Variants in SOX5 observed in about 807,000 individuals in gnomAD.
SOX5 encodes the protein SRY-box transcription factor 5.
A neutral mutation model predicts 92.0 loss-of-function variants in SOX5; 9 were observed. The ratio of observed to expected loss-of-function variants is 0.10; its 90% CI spans 0.06 to 0.17. SOX5 has a LOEUF of 0.17. SOX5 is among the 10% of genes least tolerant of loss of function. The pLI is 1.00. For missense variants in SOX5, 642 were observed against 944.5 expected (o/e 0.68, Z 4.20); for synonymous variants, 344 against 336.3 (o/e 1.02, Z -0.25).
chr12:23,720,126 CT>C (rs1190282385), intron 6 of SOX5, among the ~76,000 whole-genome samples: 1 of 152,126 alleles, frequency 6.6e-6, no homozygotes, highest in Non-Finnish European at 1.5e-5. Context: ...GAAAGTCTTG[CT>C]TTCCTGTTCT....
chr12:24,408,530 C>T (rs924524020), intron 1 of SOX5, among the ~76,000 whole-genome samples: 1 of 152,120 alleles, frequency 6.6e-6, no homozygotes, highest in South Asian at 2.1e-4. Flanking sequence ...TATAGCCACA[C>T]TTGTTTCCGC....
chr12:24,056,702 G>A (rs959599015), intron 4 of SOX5, among the ~76,000 whole-genome samples: 16 of 152,106 alleles, frequency 1.1e-4, no homozygotes, highest in Non-Finnish European at 1.6e-4. Context: ...CAGGCCGGGC[G>A]CGGTGGCTCA....
At chr12:23,820,747 A>G (rs909429952) in intron 3 of SOX5, among the ~76,000 whole-genome samples, 7 of 151,958 alleles carry the variant, frequency 4.6e-5, no homozygotes, top group Admixed American at 4.6e-4. Context: ...GCGTGGTATT[A>G]TTTTTGAGGC....
intron 2 of SOX5, among the ~76,000 whole-genome samples, chr12:24,277,526 G>GTAAATTTACATTTAAATA: frequency 1.7e-5 from 1 of 58,540 alleles, no homozygotes; most frequent in Non-Finnish European, 4.5e-5. Context: ...ATATTTATAT[G>GTAAATTTACATTTAAATA]TATATAATTT....
intron 1 of SOX5, among the ~76,000 whole-genome samples, chr12:24,497,296 T>C (rs1362170965): frequency 6.6e-6 from 1 of 152,232 alleles, no homozygotes; most frequent in African/African-American, 2.4e-5. Context: ...TGTTTGAGTA[T>C]GTTTATTTTT....
At chr12:23,968,499 T>A (rs942369917) in intron 4 of SOX5, among the ~76,000 whole-genome samples, 1 of 152,182 alleles carries the variant, frequency 6.6e-6, no homozygotes, top group African/African-American at 2.4e-5. Flanking sequence ...GGGTTTGTTA[T>A]CACGGGAGTG....
At chr12:23,715,391 A>C (rs1174250078) in intron 6 of SOX5, among the ~76,000 whole-genome samples, 1 of 152,158 alleles carries the variant, frequency 6.6e-6, no homozygotes, top group Admixed American at 6.5e-5. Flanking sequence ...TCATCATTTC[A>C]CACCACCTTA....
chr12:24,399,957 C>A (rs1220039477), intron 1 of SOX5, among the ~76,000 whole-genome samples: 1 of 152,164 alleles, frequency 6.6e-6, no homozygotes, highest in African/African-American at 2.4e-5. Flanking sequence ...GCTCTATTAT[C>A]TACAATAAGG....
chr12:24,500,416 GA>G (rs367938608), intron 1 of SOX5, among the ~76,000 whole-genome samples: 1 of 151,284 alleles, frequency 6.6e-6, no homozygotes, highest in African/African-American at 2.4e-5. Context: ...AGAATTGAAA[GA>G]AAAAAAAGTT....
At chr12:23,670,127 G>A (rs1425845325) in intron 6 of SOX5, among the ~76,000 whole-genome samples, 1 of 152,114 alleles carries the variant, frequency 6.6e-6, no homozygotes, top group South Asian at 2.1e-4. Flanking sequence ...AAAGCCAAGG[G>A]AATTTCAAGA....
intron 1 of SOX5, among the ~76,000 whole-genome samples, chr12:24,501,459 T>G (rs1948196309): frequency 6.6e-6 from 1 of 152,094 alleles, no homozygotes; most frequent in African/African-American, 2.4e-5. Flanking sequence ...TAAGTCTTCA[T>G]GTAAATAGGC....
chr12:23,656,686 C>T (rs1049498012), intron 7 of SOX5, among the ~76,000 whole-genome samples: 10 of 151,846 alleles, frequency 6.6e-5, no homozygotes, highest in Non-Finnish European at 1.0e-4. Flanking sequence ...CGTAAATATA[C>T]ATAGTATATG....
At chr12:23,949,731 CCTCTCTCT>C (rs141363242), upstream of SOX5, 34 of 749,874 alleles carry the variant, frequency 4.5e-5, no homozygotes, top group African/African-American at 6.2e-5. Flanking sequence ...TCCCTCCCTC[CCTCTCTCT>C]CTCTCTCTCT....
intron 3 of SOX5, among the ~76,000 whole-genome samples, chr12:24,224,840 G>A (rs1961507804): frequency 6.6e-6 from 1 of 152,036 alleles, no homozygotes; most frequent in African/African-American, 2.4e-5. Flanking sequence ...TGTGATCATT[G>A]ATTTATCTCA....
intron 2 of SOX5, among the ~76,000 whole-genome samples, chr12:23,848,956 T>A (rs139543066): frequency 6.6e-6 from 1 of 152,176 alleles, no homozygotes; most frequent in Non-Finnish European, 1.5e-5. Context: ...TTGCAACCAA[T>A]AGAAAAAGGA....
intron 6 of SOX5, among the ~76,000 whole-genome samples, chr12:23,676,083 G>T (rs948166050): frequency 6.6e-6 from 1 of 152,082 alleles, no homozygotes; most frequent in Non-Finnish European, 1.5e-5. Flanking sequence ...TGGTGAAAAT[G>T]GGGAGATGTA....
At chr12:23,661,928 A>T (rs2083102627) in intron 7 of SOX5, among the ~76,000 whole-genome samples, 1 of 152,224 alleles carries the variant, frequency 6.6e-6, no homozygotes, top group South Asian at 2.1e-4. Flanking sequence ...TTGATATTTT[A>T]AATTATCTCT....
chr12:24,485,752 CT>C (rs1298812340), intron 1 of SOX5, among the ~76,000 whole-genome samples: 1 of 152,112 alleles, frequency 6.6e-6, no homozygotes, highest in Non-Finnish European at 1.5e-5. Flanking sequence ...CATCCCTCCC[CT>C]CAACCCTAAA....
chr12:23,775,479 T>C (rs926102516), intron 3 of SOX5, among the ~76,000 whole-genome samples: 1 of 152,196 alleles, frequency 6.6e-6, no homozygotes, highest in Non-Finnish European at 1.5e-5. Context: ...CTAACAAGAA[T>C]AGGTGGCATA....
Sources: allele counts gnomAD v4.1 joint callset (sites outside exome capture counted in the v4.1 genomes callset), GRCh38; gene constraint gnomAD v4.1.1; transcripts MANE v1.5; gene names NCBI Gene and HGNC (gene_info 2026-07-23, HGNC 2026-07-21).